The following SNN variants were observed in gnomAD, a reference collection of about 807,000 sequenced individuals.
The protein encoded by SNN is AG8_1.
SNN carries 5 observed loss-of-function variants against 5.3 expected under a neutral mutation model. The ratio of observed to expected loss-of-function variants is 0.94; its 90% CI spans 0.49 to 1.97. The LOEUF is 1.97. SNN is among the 30% of genes most tolerant of loss of function. SNN has a pLI of 0.01. For missense variants in SNN, 127 were observed against 121.6 expected, an observed-to-expected ratio of 1.04 and a Z score of -0.21; for synonymous variants, 67 against 52.1, an observed-to-expected ratio of 1.29 and a Z score of -1.24.
chr16:11,676,017 AC>A lies in SNN; in HGVS notation c.-38del. The A allele has an allele frequency of 1.3e-6, 2 of 1,533,476 alleles. No homozygotes were observed. The highest frequency in any genetic ancestry group is 1.4e-5 in the African/African-American group (1 of 72,860). The allele number at this position is 1,533,476 out of a possible 1,614,324, so 95.0% of individuals were successfully genotyped here. A position where few individuals can be genotyped will look rare whatever the true frequency, so the allele number is the denominator to read the frequency against. On this transcript the variant is annotated 5_prime_UTR_variant, in exon 2 of 2. Transcript: ENST00000329565. Reference sequence around the variant, plus strand: ...TGAGTTCCAGCCTCACTGAGTGGCCACCCCCAAAGTGCTGCCAGCCGAGGAA... The same window carrying A: ...TGAGTTCCAGCCTCACTGAGTGGCCACCCCAAAGTGCTGCCAGCCGAGGAA...
In SNN at chr16:11,672,178, G is replaced by A. The variant is rs1346800282; in HGVS notation, c.-86+3638G>A. On this transcript the variant is annotated intron_variant, in intron 1 of 1. Transcript: ENST00000329565. The surrounding 1 kb of genome is among the most constrained non-coding windows in gnomAD (Gnocchi z 6.0). ...ACAGACCATTCACTGAGCACCTACTGTGTACCCGTGCAGGGCAGGGGTACA... is the reference window on the plus strand; with the variant it reads ...ACAGACCATTCACTGAGCACCTACTATGTACCCGTGCAGGGCAGGGGTACA... Among the ~76,000 whole-genome samples the A allele has an allele frequency of 2.6e-5, 4 of 152,326 alleles. No individual in the cohort carries two copies. The highest frequency in any genetic ancestry group is 1.9e-4 in the East Asian group (1 of 5,180).
At chr16:11,670,599 C>T (rs8191280) in intron 1 of SNN, among the ~76,000 whole-genome samples, 1 of 152,220 alleles carries the variant, frequency 6.6e-6, no homozygotes, top group African/African-American at 2.4e-5. Context: ...ACTTCTCATC[C>T]TCCCCACGAC....
At position 11,671,767 on chromosome 16, in the gene SNN, G is replaced by A. The variant is rs545188709; in HGVS notation, c.-86+3227G>A. Among the ~76,000 whole-genome samples, 19 of 152,256 alleles carry A rather than the reference G, an allele frequency of 1.2e-4. No individual in the cohort carries two copies. The highest frequency in any genetic ancestry group is 4.1e-4 in the African/African-American group (17 of 41,538). On this transcript the variant is annotated intron_variant, in intron 1 of 1. Coordinates refer to ENST00000329565, the MANE Select transcript of SNN (RefSeq NM_003498.6). The surrounding 1 kb of genome is among the most constrained non-coding windows in gnomAD (Gnocchi z 4.7). ...TGCAAGACACAGCTTTGCTCAGAGG[G>A]GCTAGAAAGGAAGAACAGACAGGTG...
chr16:11,672,766 T>C lies in SNN; in HGVS notation c.-85-3209T>C, dbSNP rs1381115330. 6.6e-6 allele frequency among the ~76,000 whole-genome samples: 1 copy of C among 150,764 alleles called. No individual in the cohort carries two copies. The highest frequency in any genetic ancestry group is 1.5e-5 in the Non-Finnish European group (1 of 67,686). On this transcript the variant is annotated intron_variant, in intron 1 of 1. Transcript: ENST00000329565. This position sits in a 1 kb window ranked among gnomAD's most constrained non-coding sequence, Gnocchi z 6.0. The stretch of plus-strand genomic sequence containing the variant: ...CCTGGGTTCAGGGCAGCAGACGGGG[T>C]TTTGGGGTCACCACTCCTCTTAGAG...
At chr16:11,669,888 G>C (rs2050256473) in intron 1 of SNN, among the ~76,000 whole-genome samples, 1 of 152,200 alleles carries the variant, frequency 6.6e-6, no homozygotes, top group Non-Finnish European at 1.5e-5. Context: ...CTCTTCTGAG[G>C]ATGGGGGTGT....
intron 1 of SNN, among the ~76,000 whole-genome samples, 160 bp from the exon 2 acceptor site, chr16:11,675,815 A>G (rs2050298817): frequency 6.6e-6 from 1 of 152,210 alleles, no homozygotes; most frequent in Non-Finnish European, 1.5e-5. Flanking sequence ...TTCAAAGGTC[A>G]TGAACAGGAG....
At chr16:11,675,465 C>G (rs1466107453) in intron 1 of SNN, among the ~76,000 whole-genome samples, 2 of 152,044 alleles carry the variant, frequency 1.3e-5, no homozygotes, top group African/African-American at 4.8e-5. Context: ...CGAGGTTTCA[C>G]TATGTTGGCC....
intron 1 of SNN, among the ~76,000 whole-genome samples, chr16:11,674,887 G>A (rs760863887): frequency 6.6e-6 from 1 of 152,168 alleles, no homozygotes; most frequent in Non-Finnish European, 1.5e-5. Context: ...GGCATTTGGG[G>A]TACTAACCAG....
chr16:11,669,008 G>A (rs2050247253), intron 1 of SNN, among the ~76,000 whole-genome samples: 1 of 152,088 alleles, frequency 6.6e-6, no homozygotes, highest in African/African-American at 2.4e-5. Flanking sequence ...GCCCGGTTCC[G>A]TGGGCAGCGG....
At position 11,671,998 on chromosome 16, in the gene SNN, C is replaced by G. The variant is rs1237218630; in HGVS notation, c.-86+3458C>G. ...GGCCTGCAGCCTTCTCCCATGCAGT[C>G]TGCCGGCTTTTTTGAGTCTGTTGGG... On this transcript the variant is annotated intron_variant, in intron 1 of 1. Coordinates refer to ENST00000329565, the MANE Select transcript of SNN (RefSeq NM_003498.6). The surrounding 1 kb of genome is among the most constrained non-coding windows in gnomAD (Gnocchi z 4.7). Among the ~76,000 whole-genome samples the G allele has an allele frequency of 6.6e-6, 1 of 152,230 alleles. No homozygotes were observed. The highest frequency in any genetic ancestry group is 1.5e-5 in the Non-Finnish European group (1 of 68,026).
In SNN at chr16:11,671,363, G is replaced by A. The variant is rs2050264979; in HGVS notation, c.-86+2823G>A. 6.6e-6 allele frequency among the ~76,000 whole-genome samples: 1 copy of A among 152,054 alleles called. No individual in the cohort carries two copies. Among genetic ancestry groups the A allele is most frequent in the African/African-American group, 2.4e-5 (1 of 41,392 alleles). On this transcript the variant is annotated intron_variant, in intron 1 of 1. Transcript: ENST00000329565. The surrounding 1 kb of genome is among the most constrained non-coding windows in gnomAD (Gnocchi z 4.7). ...CTTGGGCTTCAAATGCCAGGCAGAG[G>A]GGACACTCCAGCCTGCCCAGAGATG...
At chr16:11,675,933 G>A (rs988806650) in intron 1 of SNN, 42 bp from the exon 2 acceptor site, 8 of 973,496 alleles carry the variant, frequency 8.2e-6, no homozygotes, top group South Asian at 5.1e-5. Context: ...TAGACCCCGT[G>A]GAAGTGCTAA....
At chr16:11,670,863 G>A (rs1429626557) in intron 1 of SNN, among the ~76,000 whole-genome samples, 3 of 152,192 alleles carry the variant, frequency 2.0e-5, no homozygotes, top group Non-Finnish European at 2.9e-5. Context: ...GAGGATACCC[G>A]TCCCCTCTCT....
At chr16:11,673,903 T>C (rs1404171931) in intron 1 of SNN, among the ~76,000 whole-genome samples, 2 of 152,180 alleles carry the variant, frequency 1.3e-5, no homozygotes, top group Admixed American at 6.5e-5. Context: ...GCCTGTCTCC[T>C]GGAGTCAGGG....
At chr16:11,675,197 T>C (rs904606116) in intron 1 of SNN, among the ~76,000 whole-genome samples, 2 of 152,034 alleles carry the variant, frequency 1.3e-5, no homozygotes, top group African/African-American at 2.4e-5. Context: ...GCCTGTTCTG[T>C]ATATGATGTC....
Position 11,676,022 on chromosome 16 carries a change from C to A in SNN, c.-38C>A. 1.3e-6 allele frequency: 2 copies of A among 1,543,350 alleles called. No homozygotes were observed. The highest frequency in any genetic ancestry group is 1.8e-6 in the Non-Finnish European group (2 of 1,142,336). ...TCCAGCCTCACTGAGTGGCCACCCCCAAAGTGCTGCCAGCCGAGGAAGCCC... is the reference window on the plus strand; with the variant it reads ...TCCAGCCTCACTGAGTGGCCACCCCAAAAGTGCTGCCAGCCGAGGAAGCCC... On this transcript the variant is annotated 5_prime_UTR_variant, in exon 2 of 2. Coordinates refer to ENST00000329565, the MANE Select transcript of SNN (RefSeq NM_003498.6).
In SNN at chr16:11,676,131, C is replaced by T; in HGVS notation, c.72C>T (p.Ala24=). 6.2e-7 allele frequency: 1 copy of T among 1,614,158 alleles called. No homozygotes were observed. The highest frequency in any genetic ancestry group is 8.5e-7 in the Non-Finnish European group (1 of 1,180,014). The stretch of plus-strand genomic sequence containing the variant: ...TCGTCATCCTCATTGCCATCGCGGC[C>T]CTGGGGGCCTTGATCCTGGGCTGCT... ...TVIVILIAIA[A]LGALILGCWC... Residue 24 remains alanine (A), a synonymous_variant, in exon 2 of 2, where the codon GCC becomes GCT. Transcript: ENST00000329565.
Position 11,668,850 on chromosome 16 carries a change from C to T in SNN, c.-86+310C>T, listed in dbSNP as rs2050245938. Among the ~76,000 whole-genome samples the T allele has an allele frequency of 6.6e-6, 1 of 151,968 alleles. No individual in the cohort carries two copies. The highest frequency in any genetic ancestry group is 6.5e-5 in the Admixed American group (1 of 15,274). ...CCCCGCCCGTGCAGCCCCCGCCCGT[C>T]CTCAGCTACGCTCCCGCCTTCCCCC... is the stretch of plus-strand genomic sequence containing the variant. On this transcript the variant is annotated intron_variant, in intron 1 of 1. Coordinates refer to ENST00000329565, the MANE Select transcript of SNN (RefSeq NM_003498.6). The surrounding 1 kb of genome is among the most constrained non-coding windows in gnomAD (Gnocchi z 6.8).
intron 1 of SNN, among the ~76,000 whole-genome samples, chr16:11,675,457 A>G (rs1308603279): frequency 2.6e-5 from 4 of 151,954 alleles, no homozygotes; most frequent in African/African-American, 9.7e-5. Flanking sequence ...AGTAGATACG[A>G]GGTTTCACTA....
Sources: gnomAD v4.1 joint callset for allele counts (sites outside exome capture counted in the v4.1 genomes callset) on GRCh38, gnomAD v4.1.1 for gene constraint, Gnocchi (gnomAD v3.1) non-coding constraint, MANE v1.5 for transcripts, NCBI Gene and HGNC (gene_info 2026-07-23, HGNC 2026-07-21) for gene names.